The following PEBP4 variants were observed in gnomAD, a reference collection of about 807,000 sequenced individuals.
PEBP4 encodes the protein phosphatidylethanolamine binding protein 4, also known as phosphatidylethanolamine-binding protein 4.
PEBP4 carries 22 observed loss-of-function variants against 23.9 expected under a neutral mutation model. The observed-to-expected ratio is 0.92, with a 90% CI of 0.66 to 1.31. PEBP4 has a LOEUF of 1.31. Among genes scored for constraint, PEBP4 ranks in the 40% most tolerant of loss-of-function variants. The pLI is 0.00. For missense variants in PEBP4, 324 were observed against 281.7 expected, an observed-to-expected ratio of 1.15 and a Z score of -1.07; for synonymous variants, 112 against 99.3, an observed-to-expected ratio of 1.13 and a Z score of -0.76.
intron 3 of PEBP4, among the ~76,000 whole-genome samples, chr8:22,827,057 AG>A (rs1426300043): frequency 6.6e-6 from 1 of 152,262 alleles, no homozygotes; most frequent in Non-Finnish European, 1.5e-5. Flanking sequence ...CCACTTTTGA[AG>A]GTTATTTGGG....
intron 4 of PEBP4, among the ~76,000 whole-genome samples, chr8:22,783,781 T>C (rs11986865): frequency 0.12 from 18,465 of 152,292 alleles, 1,362 homozygotes; most frequent in African/African-American, 0.2. Context: ...CGCAGACATA[T>C]GCCACCATGC....
intron 3 of PEBP4, among the ~76,000 whole-genome samples, chr8:22,858,644 T>C (rs1807705568): frequency 6.6e-6 from 1 of 152,170 alleles, no homozygotes. Context: ...CCTAAAACTC[T>C]CATGTTAGAT....
chr8:22,845,629 G>C (rs907678717), intron 3 of PEBP4, among the ~76,000 whole-genome samples: 3 of 152,194 alleles, frequency 2.0e-5, no homozygotes, highest in Non-Finnish European at 2.9e-5. Context: ...TGGCAGGCTG[G>C]TCAGCTCTAC....
At chr8:22,756,271 G>A (rs1585256208) in intron 4 of PEBP4, among the ~76,000 whole-genome samples, 1 of 152,288 alleles carries the variant, frequency 6.6e-6, no homozygotes, top group South Asian at 2.1e-4. Flanking sequence ...TGGGGAGGGC[G>A]GGCTTGTGCG....
chr8:22,807,257 C>T (rs909301116), intron 4 of PEBP4, among the ~76,000 whole-genome samples: 2 of 152,136 alleles, frequency 1.3e-5, no homozygotes, highest in African/African-American at 4.8e-5. Flanking sequence ...TCCGCAGAGG[C>T]CTAGAAGGTT....
At chr8:22,847,212 G>A (rs1807456922) in intron 3 of PEBP4, among the ~76,000 whole-genome samples, 1 of 152,122 alleles carries the variant, frequency 6.6e-6, no homozygotes, top group South Asian at 2.1e-4. Context: ...ATGTTCAAAG[G>A]TCAGGGGCCC....
At chr8:22,866,401 G>A (rs900231220) in intron 3 of PEBP4, among the ~76,000 whole-genome samples, 3 of 152,234 alleles carry the variant, frequency 2.0e-5, no homozygotes, top group Admixed American at 1.3e-4. Context: ...GCCACTCTCT[G>A]ACCTCAAGGA....
intron 3 of PEBP4, among the ~76,000 whole-genome samples, chr8:22,818,586 T>A (rs1349239874): frequency 6.6e-6 from 1 of 152,034 alleles, no homozygotes; most frequent in African/African-American, 2.4e-5. Flanking sequence ...GAGTGGGGTT[T>A]TATTCAAAGT....
intron 4 of PEBP4, among the ~76,000 whole-genome samples, chr8:22,738,031 T>C (rs1397241932): frequency 6.6e-6 from 1 of 152,126 alleles, no homozygotes. Context: ...CGAAGTCTCC[T>C]GGCAGGGCCA....
intron 6 of PEBP4, among the ~76,000 whole-genome samples, chr8:22,714,632 C>T (rs901217586): frequency 6.6e-6 from 1 of 151,744 alleles, no homozygotes; most frequent in Non-Finnish European, 1.5e-5. Context: ...AGGCAGTGGT[C>T]GATACACAGT....
Position 22,925,097 on chromosome 8 carries a change from G to A in PEBP4, c.131+2487C>T, listed in dbSNP as rs576053679. 2.3e-4 allele frequency: 224 copies of A among 985,322 alleles called. 1 individual carries two copies. In the African/African-American group the frequency reaches 3.6e-3, roughly 16 times the overall value. 61.0% of individuals were successfully genotyped at this position (985,322 alleles called of 1,614,324 possible). ...GGTCCTGCTGTCTCCTCAGGGGTCC[G>A]ATCTGTCCTTGATGCATTTTTCATT... On this transcript the variant is annotated intron_variant, in intron 2 of 6. Coordinates refer to ENST00000256404, the MANE Select transcript of PEBP4 (RefSeq NM_144962.3).
rs536757131 is a variant in PEBP4 at position 22,713,320 on chromosome 8, C to T, written c.*50G>A. ...TCCAGAGGGGGTTCCATACCCACAT[C>T]GTCGGTGGTGGGCAGTGTGGCCACA... On this transcript the variant is annotated 3_prime_UTR_variant, in exon 7 of 7. Coordinates refer to ENST00000256404, the MANE Select transcript of PEBP4 (RefSeq NM_144962.3). 30 of 1,520,946 alleles carry T rather than the reference C, an allele frequency of 2.0e-5. No homozygotes were observed. The highest frequency in any genetic ancestry group is 4.6e-5 in the East Asian group (2 of 43,710). 94.2% of individuals were successfully genotyped at this position (1,520,946 alleles called of 1,614,324 possible). A position where few individuals can be genotyped will look rare whatever the true frequency, so the allele number is the denominator to read the frequency against.
At chr8:22,774,732 C>T (rs1432350554) in intron 4 of PEBP4, among the ~76,000 whole-genome samples, 2 of 152,212 alleles carry the variant, frequency 1.3e-5, no homozygotes, top group African/African-American at 4.8e-5. Context: ...CAGCCGTCCC[C>T]ACCAGGATAG....
intron 4 of PEBP4, among the ~76,000 whole-genome samples, chr8:22,796,738 C>T (rs1256384709): frequency 1.3e-5 from 2 of 152,082 alleles, no homozygotes; most frequent in African/African-American, 4.8e-5. Flanking sequence ...GAGAGCTAAA[C>T]AGTGGCTCCG....
At chr8:22,927,764 G>A in intron 1 of PEBP4, 44 bp from the exon 2 acceptor site, 1 of 1,609,842 alleles carries the variant, frequency 6.2e-7, no homozygotes, top group Non-Finnish European at 8.5e-7. Flanking sequence ...CCCTGCAGGG[G>A]CCTTCCTGCC....
chr8:22,757,264 G>C (rs966523429), intron 4 of PEBP4: 4 of 152,250 alleles, frequency 2.6e-5, no homozygotes, highest in African/African-American at 9.7e-5. Flanking sequence ...GCTGAGCTGG[G>C]GTTTGTACTC....
intron 3 of PEBP4, among the ~76,000 whole-genome samples, chr8:22,880,019 A>G (rs1044318215): frequency 6.6e-6 from 1 of 152,178 alleles, no homozygotes; most frequent in Non-Finnish European, 1.5e-5. Context: ...TCTCAGACTG[A>G]AAAGTAGATT....
chr8:22,858,731 G>C (rs993447973), intron 3 of PEBP4, among the ~76,000 whole-genome samples: 3 of 152,192 alleles, frequency 2.0e-5, no homozygotes, highest in Non-Finnish European at 4.4e-5. Context: ...TGGATCACTT[G>C]AGGCCAGGAG....
intron 3 of PEBP4, among the ~76,000 whole-genome samples, chr8:22,852,608 C>T (rs911217968): frequency 2.6e-5 from 4 of 151,880 alleles, no homozygotes; most frequent in African/African-American, 7.3e-5. Flanking sequence ...TTGGTTCCAA[C>T]GGAGTCTTTT....
Sources: allele counts gnomAD v4.1 joint callset (sites outside exome capture counted in the v4.1 genomes callset), GRCh38; gene constraint gnomAD v4.1.1; transcripts MANE v1.5; gene names NCBI Gene and HGNC (gene_info 2026-07-23, HGNC 2026-07-21).